FARP1: variants seen among roughly 807,000 people sequenced by gnomAD.
FARP1 encodes the protein FERM, ARH/RhoGEF and pleckstrin domain protein 1, also known as FERM, ARHGEF and pleckstrin domain-containing protein 1.
In FARP1, 52 loss-of-function variants were observed where a neutral mutation model predicts 128.8. The ratio of observed to expected loss-of-function variants is 0.40; its 90% CI spans 0.32 to 0.51. The LOEUF is 0.51. FARP1 is among the 20% of genes least tolerant of loss of function. FARP1 has a pLI of 0.45. For missense variants in FARP1, 1,333 were observed against 1,367.9 expected (o/e 0.97, Z 0.40); for synonymous variants, 580 against 551.8 (o/e 1.05, Z -0.72).
At chr13:98,244,766 C>T in intron 2 of FARP1, 2 of 1,595,142 alleles carry the variant, frequency 1.3e-6, no homozygotes, top group Non-Finnish European at 1.7e-6. Context: ...TTGGCAATGG[C>T]CAGAGTTAAA....
At chr13:98,258,033 G>T (rs1411505961) in intron 2 of FARP1, among the ~76,000 whole-genome samples, 3 of 152,068 alleles carry the variant, frequency 2.0e-5, no homozygotes, top group Non-Finnish European at 4.4e-5. Flanking sequence ...GAGTGCAGTG[G>T]CACGATCTTG....
intron 1 of FARP1, among the ~76,000 whole-genome samples, chr13:98,212,214 C>A (rs998818264): frequency 2.0e-5 from 3 of 152,222 alleles, no homozygotes; most frequent in African/African-American, 7.2e-5. Context: ...TGCCACCACA[C>A]CTGGCTAATT....
chr13:98,197,910 C>T (rs1015396640), intron 1 of FARP1, among the ~76,000 whole-genome samples: 3 of 152,138 alleles, frequency 2.0e-5, no homozygotes, highest in African/African-American at 7.2e-5. Flanking sequence ...GCTGAGATTA[C>T]AGGCATGAGC....
chr13:98,263,889 C>T (rs17454562), intron 2 of FARP1, among the ~76,000 whole-genome samples: 7,006 of 152,124 alleles, frequency 0.046, 236 homozygotes, highest in Admixed American at 0.068. Context: ...TTAGTTTTTC[C>T]AGCTAGTTTG....
At chr13:98,299,462 C>T (rs751913310) in intron 2 of FARP1, among the ~76,000 whole-genome samples, 17 of 152,172 alleles carry the variant, frequency 1.1e-4, no homozygotes, top group Non-Finnish European at 2.1e-4. Context: ...AGAGCTTTGA[C>T]ATTACGCCTT....
At chr13:98,301,250 C>T (rs1475663904) in intron 2 of FARP1, among the ~76,000 whole-genome samples, 7 of 152,218 alleles carry the variant, frequency 4.6e-5, no homozygotes, top group Non-Finnish European at 1.0e-4. Context: ...CTTTAATGCA[C>T]TTTTTTCTTT....
At chr13:98,144,544 C>T (rs1266430750) in intron 1 of FARP1, among the ~76,000 whole-genome samples, 2 of 152,162 alleles carry the variant, frequency 1.3e-5, no homozygotes, top group African/African-American at 2.4e-5. Flanking sequence ...ACCGCCCAGC[C>T]CTGGTCTCTG....
chr13:98,363,266 T>C (rs1206541300), intron 3 of FARP1, among the ~76,000 whole-genome samples: 20 of 152,216 alleles, frequency 1.3e-4, no homozygotes, highest in Non-Finnish European at 2.9e-5. Context: ...CTGTCTGTTT[T>C]CATAGATTCT....
intron 1 of FARP1, among the ~76,000 whole-genome samples, chr13:98,208,811 G>T (rs1880469906): frequency 6.6e-6 from 1 of 152,142 alleles, no homozygotes; most frequent in African/African-American, 2.4e-5. Context: ...GCTGACCTCA[G>T]GGCCAGCCCT....
At chr13:98,378,668 C>T (rs1390074871) in intron 6 of FARP1, among the ~76,000 whole-genome samples, 3 of 151,426 alleles carry the variant, frequency 2.0e-5, no homozygotes, top group Admixed American at 6.6e-5. Flanking sequence ...TGATATGTGC[C>T]TAGTTCACTA....
intron 3 of FARP1, among the ~76,000 whole-genome samples, chr13:98,362,216 C>T (rs969722334): frequency 2.0e-5 from 3 of 152,198 alleles, no homozygotes; most frequent in African/African-American, 7.2e-5. Context: ...CCACTGCACT[C>T]CAGCCTGGGT....
chr13:98,346,751 A>G (rs1022019969), intron 3 of FARP1, among the ~76,000 whole-genome samples: 1 of 152,142 alleles, frequency 6.6e-6, no homozygotes, highest in African/African-American at 2.4e-5. Context: ...TCTCAAAAAA[A>G]AAGTTCTTTT....
intron 18 of FARP1, 92 bp downstream of exon 18, chr13:98,431,372 G>GCT: frequency 1.3e-6 from 1 of 776,756 alleles, no homozygotes; most frequent in Non-Finnish European, 2.0e-6. Context: ...GGGCTCCCCG[G>GCT]GGAGAGAGGT....
chr13:98,413,727 G>T (rs1203655802), intron 16 of FARP1, among the ~76,000 whole-genome samples: 1 of 152,162 alleles, frequency 6.6e-6, no homozygotes, highest in African/African-American at 2.4e-5. Flanking sequence ...AACCTTTCAC[G>T]TGTGTTCTGC....
At chr13:98,221,759 C>G (rs570696166) in intron 2 of FARP1, among the ~76,000 whole-genome samples, 1 of 152,116 alleles carries the variant, frequency 6.6e-6, no homozygotes. Flanking sequence ...GTCCCTCTAC[C>G]ATGGACTGGA....
chr13:98,345,900 G>C (rs550136495), intron 3 of FARP1, among the ~76,000 whole-genome samples: 8 of 152,298 alleles, frequency 5.3e-5, no homozygotes, highest in Admixed American at 4.6e-4. Context: ...GCCATAGTCG[G>C]CCAACGCATG....
chr13:98,337,956 A>G (rs1239938166), intron 2 of FARP1, among the ~76,000 whole-genome samples: 1 of 152,106 alleles, frequency 6.6e-6, no homozygotes, highest in Non-Finnish European at 1.5e-5. Context: ...ATAAGGTCCT[A>G]CCTCATAATA....
In FARP1 at chr13:98,451,305, GA is replaced by G. The variant is rs1339817311; in HGVS notation, c.*2991del. The G allele has an allele frequency of 4.6e-5, 7 of 152,086 alleles. No homozygotes were observed. Among genetic ancestry groups the G allele is most frequent in the African/African-American group, 1.7e-4 (7 of 41,422 alleles). 9.4% of individuals were successfully genotyped at this position (152,086 alleles called of 1,614,324 possible). A position where few individuals can be genotyped will look rare whatever the true frequency, so the allele number is the denominator to read the frequency against. ...ACTTATGCCGCCGGCCTCACGTAAG[GA>G]AACAGTTCCCCACACAGAATACTCC... On this transcript the variant is annotated 3_prime_UTR_variant, in exon 27 of 27. Coordinates refer to ENST00000319562, the MANE Select transcript of FARP1 (RefSeq NM_005766.4).
intron 1 of FARP1, among the ~76,000 whole-genome samples, chr13:98,162,379 G>T (rs1876948682): frequency 6.6e-6 from 1 of 152,180 alleles, no homozygotes; most frequent in Non-Finnish European, 1.5e-5. Flanking sequence ...GTGCAGAAGA[G>T]AATCTTTTCC....
Sources: allele counts gnomAD v4.1 joint callset (sites outside exome capture counted in the v4.1 genomes callset), GRCh38; gene constraint gnomAD v4.1.1; transcripts MANE v1.5; gene names NCBI Gene and HGNC (gene_info 2026-07-23, HGNC 2026-07-21).